The following MICU2 variants were observed in gnomAD, a reference collection of about 807,000 sequenced individuals.
MICU2 encodes calcium uptake protein 2, mitochondrial.
Under a neutral mutation model 60.4 loss-of-function variants are expected in MICU2, and 64 were observed. The observed-to-expected ratio is 1.06, with a 90% CI of 0.87 to 1.31. MICU2 has a LOEUF of 1.31. Among genes scored for constraint, MICU2 ranks in the 50% most tolerant of loss-of-function variants. The probability of loss-of-function intolerance (pLI) is 0.00; values close to 1 mark genes in which losing one functional copy is unlikely to be tolerated. For synonymous variants in MICU2, 201 were observed against 175.0 expected (o/e 1.15, Z -1.17); for missense variants, 569 against 531.0 (o/e 1.07, Z -0.70).
chr13:21,496,311 G>T, intron 9 of MICU2, 151 bp from the exon 10 acceptor site: 1 of 615,832 alleles, frequency 1.6e-6, no homozygotes, highest in Non-Finnish European at 2.8e-6. Context: ...CTCTCTGTGT[G>T]CACACAGAAA....
intron 1 of MICU2, among the ~76,000 whole-genome samples, chr13:21,567,901 C>T (rs1888021912): frequency 6.6e-6 from 1 of 152,190 alleles, no homozygotes; most frequent in African/African-American, 2.4e-5. Flanking sequence ...CACTATCCTC[C>T]TACACATGAC....
intron 4 of MICU2, among the ~76,000 whole-genome samples, chr13:21,533,111 T>C (rs1959160687): frequency 6.6e-6 from 1 of 152,116 alleles, no homozygotes; most frequent in Admixed American, 6.5e-5. Flanking sequence ...ACAAGATGGA[T>C]GCAGCTGTAA....
intron 2 of MICU2, among the ~76,000 whole-genome samples, chr13:21,548,473 C>T (rs184487061): frequency 3.9e-5 from 6 of 152,272 alleles, no homozygotes; most frequent in Middle Eastern, 3.4e-3. Context: ...AAATTTTAGA[C>T]CTTTAATTGA....
At chr13:21,545,410 G>A (rs1295640898) in intron 2 of MICU2, among the ~76,000 whole-genome samples, 1 of 152,236 alleles carries the variant, frequency 6.6e-6, no homozygotes, top group Non-Finnish European at 1.5e-5. Context: ...GCCGGGTGCA[G>A]TGGCTCACGC....
intron 2 of MICU2, among the ~76,000 whole-genome samples, chr13:21,565,636 C>T (rs902421307): frequency 8.6e-5 from 13 of 150,882 alleles, no homozygotes; most frequent in African/African-American, 2.4e-4. Flanking sequence ...CCAGCCTGGG[C>T]GACAGAGCGA....
chr13:21,507,421 G>C (rs1001800356), intron 8 of MICU2, among the ~76,000 whole-genome samples: 1 of 151,944 alleles, frequency 6.6e-6, no homozygotes, highest in Non-Finnish European at 1.5e-5. Context: ...AGCTTTCCTT[G>C]TTTTAAATTA....
intron 1 of MICU2, among the ~76,000 whole-genome samples, chr13:21,569,245 T>C (rs981627493): frequency 6.6e-6 from 1 of 152,168 alleles, no homozygotes; most frequent in Non-Finnish European, 1.5e-5. Context: ...AACAACGCTA[T>C]CAACATCCCC....
intron 2 of MICU2, among the ~76,000 whole-genome samples, chr13:21,551,068 T>C (rs570267173): frequency 1.6e-3 from 246 of 152,370 alleles, no homozygotes; most frequent in African/African-American, 5.6e-3. Context: ...CACCTGCTCA[T>C]GTCCTAACAT....
At chr13:21,547,963 C>A (rs1403966631) in intron 2 of MICU2, among the ~76,000 whole-genome samples, 1 of 152,064 alleles carries the variant, frequency 6.6e-6, no homozygotes, top group Admixed American at 6.6e-5. Context: ...ACAAGTCAAT[C>A]ACTGATGTGG....
chr13:21,496,186 A>C, intron 9 of MICU2, 26 bp from the exon 10 acceptor site: 1 of 1,523,164 alleles, frequency 6.6e-7, no homozygotes, highest in Non-Finnish European at 9.1e-7. Context: ...TTTTTATTAC[A>C]ATTTTGTAAG....
chr13:21,537,268 A>G (rs1887153032), intron 4 of MICU2, among the ~76,000 whole-genome samples: 1 of 152,094 alleles, frequency 6.6e-6, no homozygotes, highest in Admixed American at 6.5e-5. Flanking sequence ...TGCCTAGCAA[A>G]TCCTAACTGT....
rs376479696 is a variant in MICU2 at position 21,598,839 on chromosome 13, T to C, written c.210+5100A>G. 2.1e-3 allele frequency among the ~76,000 whole-genome samples: 321 copies of C among 152,298 alleles called. 1 individual carries two copies. Among genetic ancestry groups the C allele is most frequent in the African/African-American group, 7.5e-3 (311 of 41,550 alleles). On this transcript the variant is annotated intron_variant, in intron 1 of 11. Coordinates refer to ENST00000382374, the MANE Select transcript of MICU2 (RefSeq NM_152726.3). ...TCAGTTTGGATTTGCCAATATATGA[T>C]TCTAGCTTATAATAAGGAAATACAA...
chr13:21,541,252 TA>T (rs34173867), intron 2 of MICU2, among the ~76,000 whole-genome samples: 2,303 of 147,598 alleles, frequency 0.016, 45 homozygotes, highest in African/African-American at 0.048. Flanking sequence ...AAAAATCTGT[TA>T]AAAAAAAAAA....
intron 1 of MICU2, among the ~76,000 whole-genome samples, chr13:21,594,576 C>T (rs554773666): frequency 2.0e-5 from 3 of 152,170 alleles, no homozygotes; most frequent in Admixed American, 6.5e-5. Context: ...GACACATGCA[C>T]ACGTATGTTT....
intron 2 of MICU2, among the ~76,000 whole-genome samples, chr13:21,545,734 G>A (rs969004482): frequency 1.3e-5 from 2 of 152,104 alleles, no homozygotes; most frequent in African/African-American, 4.8e-5. Flanking sequence ...CTAGAGGCTG[G>A]GAAGGGTGGG....
At position 21,549,191 on chromosome 13, in the gene MICU2, C is replaced by A. The variant is rs571830639; in HGVS notation, c.359-9503G>T. ...TGATCCGCCCGCCTTGGCCTCCCAA[C>A]GTGCTGGGATTACAGGCGTGAGCTA... On this transcript the variant is annotated intron_variant, in intron 2 of 11. Coordinates refer to ENST00000382374, the MANE Select transcript of MICU2 (RefSeq NM_152726.3). Among the ~76,000 whole-genome samples the A allele has an allele frequency of 1.9e-3, 288 of 152,024 alleles. 3 individuals carry two copies. The highest frequency in any genetic ancestry group is 6.2e-3 in the African/African-American group (257 of 41,468).
chr13:21,514,692 C>T (rs1414902987), intron 6 of MICU2, among the ~76,000 whole-genome samples: 2 of 145,470 alleles, frequency 1.4e-5, no homozygotes, highest in East Asian at 2.8e-4. Flanking sequence ...GCCACCACTC[C>T]CGTTAATTTT....
chr13:21,572,342 A>T (rs1422502870), intron 1 of MICU2, among the ~76,000 whole-genome samples: 1 of 152,206 alleles, frequency 6.6e-6, no homozygotes, highest in Admixed American at 6.5e-5. Flanking sequence ...ACATTTCCTT[A>T]AAATGAGGGA....
intron 4 of MICU2, among the ~76,000 whole-genome samples, chr13:21,524,749 A>G (rs1566147159): frequency 6.6e-6 from 1 of 152,224 alleles, no homozygotes; most frequent in Non-Finnish European, 1.5e-5. Context: ...CACTGTACAC[A>G]TTAAATGTTA....
Sources: gnomAD v4.1 joint callset for allele counts (sites outside exome capture counted in the v4.1 genomes callset) on GRCh38, gnomAD v4.1.1 for gene constraint, MANE v1.5 for transcripts, NCBI Gene and HGNC (gene_info 2026-07-23, HGNC 2026-07-21) for gene names.